Variants in SDK1 observed in about 807,000 individuals in gnomAD.
SDK1 encodes the protein protein sidekick-1.
SDK1 carries 157 observed loss-of-function variants against 245.5 expected under a neutral mutation model. The ratio of observed to expected loss-of-function variants is 0.64; its 90% CI spans 0.56 to 0.73. The LOEUF (loss-of-function observed/expected upper bound fraction) is 0.73. Ranked by LOEUF, SDK1 falls within the 30% of genes least tolerant of loss-of-function variation. The pLI is 0.00. For missense variants in SDK1, 3,583 were observed against 3,002.3 expected, an observed-to-expected ratio of 1.19 and a Z score of -4.52; for synonymous variants, 1,647 against 1,278.5, an observed-to-expected ratio of 1.29 and a Z score of -6.15.
chr7:4,252,272 T>C (rs1362184824), intron 44 of SDK1, among the ~76,000 whole-genome samples: 1 of 150,514 alleles, frequency 6.6e-6, no homozygotes, highest in Non-Finnish European at 1.5e-5. Context: ...GTGTGCTCAT[T>C]GTTCAATTCC....
chr7:3,420,379 T>G lies in SDK1; in HGVS notation c.298+118495T>G, dbSNP rs80072908. Reference sequence around the variant, plus strand: ...TACAACTCAGATCGTTTCAACAACTTTCTGTTCTTGGATTTTTCCTTTCTC... The same window carrying G: ...TACAACTCAGATCGTTTCAACAACTGTCTGTTCTTGGATTTTTCCTTTCTC... On this transcript the variant is annotated intron_variant, in intron 1 of 44. Transcript: ENST00000404826. Among the ~76,000 whole-genome samples, 658 of 152,334 alleles carry G rather than the reference T, an allele frequency of 4.3e-3. 8 individuals carry two copies. The highest frequency in any genetic ancestry group is 0.015 in the African/African-American group (611 of 41,578).
chr7:3,867,662 T>A (rs1780853473), intron 5 of SDK1, among the ~76,000 whole-genome samples: 1 of 152,152 alleles, frequency 6.6e-6, no homozygotes, highest in Non-Finnish European at 1.5e-5. Flanking sequence ...ATGATTCGGT[T>A]ACCTCCCACC....
chr7:3,949,547 A>C (rs931500656), intron 5 of SDK1, among the ~76,000 whole-genome samples: 2 of 152,204 alleles, frequency 1.3e-5, no homozygotes, highest in Non-Finnish European at 2.9e-5. Context: ...TGAAGCCCAG[A>C]TGAAGCGTTT....
chr7:3,984,191 G>A (rs995954947), intron 13 of SDK1, among the ~76,000 whole-genome samples: 2 of 152,150 alleles, frequency 1.3e-5, no homozygotes, highest in Admixed American at 6.5e-5. Context: ...CTAGCTGAGA[G>A]GGGGCAGAGG....
chr7:3,804,813 TCAG>T (rs1779199257), intron 4 of SDK1, among the ~76,000 whole-genome samples: 1 of 152,244 alleles, frequency 6.6e-6, no homozygotes, highest in Admixed American at 6.5e-5. Flanking sequence ...TGAGTGATTG[TCAG>T]TGGCGTTATA....
In SDK1 at chr7:4,063,597, C is replaced by CAAAA. The variant is rs35423286; in HGVS notation, c.2912-4232_2912-4229dup. Reference sequence around the variant, plus strand: ...ACCAGTGTCATTTTCACAGAAATAGCAAAAAAAAAAAACAAAAAACCCCGT... The same window carrying CAAAA: ...ACCAGTGTCATTTTCACAGAAATAGCAAAAAAAAAAAAAAAACAAAAAACCCCGT... On this transcript the variant is annotated intron_variant, in intron 19 of 44. Coordinates refer to ENST00000404826, the MANE Select transcript of SDK1 (RefSeq NM_152744.4). 3.9e-4 allele frequency among the ~76,000 whole-genome samples: 49 copies of CAAAA among 125,154 alleles called. 1 individual carries two copies. Among genetic ancestry groups the CAAAA allele is most frequent in the African/African-American group, 1.4e-3 (48 of 34,344 alleles). 82.1% of individuals were successfully genotyped at this position (125,154 alleles called of 152,430 possible).
chr7:4,177,061 G>A (rs920299317), intron 34 of SDK1, among the ~76,000 whole-genome samples: 2 of 152,238 alleles, frequency 1.3e-5, no homozygotes, highest in African/African-American at 2.4e-5. Context: ...CCGAGCCTAT[G>A]TTGTGTTCAG....
intron 38 of SDK1, among the ~76,000 whole-genome samples, chr7:4,216,567 C>T (rs1425909731): frequency 6.6e-6 from 1 of 152,200 alleles, no homozygotes; most frequent in Admixed American, 6.5e-5. Context: ...TGTGCGTGTC[C>T]CAGGGAAACA....
At chr7:3,468,333 A>G (rs1271231225) in intron 1 of SDK1, among the ~76,000 whole-genome samples, 2 of 152,176 alleles carry the variant, frequency 1.3e-5, no homozygotes, top group Non-Finnish European at 2.9e-5. Flanking sequence ...AAATATCCCA[A>G]AATGAAGGCC....
intron 4 of SDK1, among the ~76,000 whole-genome samples, chr7:3,788,610 A>G (rs1173835960): frequency 6.6e-6 from 1 of 152,124 alleles, no homozygotes; most frequent in African/African-American, 2.4e-5. Context: ...CGTTGGAAAA[A>G]GAATTGTCTT....
At chr7:3,545,220 A>C (rs187255022) in intron 1 of SDK1, among the ~76,000 whole-genome samples, 3 of 152,298 alleles carry the variant, frequency 2.0e-5, no homozygotes, top group African/African-American at 7.2e-5. Flanking sequence ...AGAAAGAACT[A>C]TGAGGAATGG....
chr7:4,098,497 C>T (rs549096506), intron 22 of SDK1, among the ~76,000 whole-genome samples: 1 of 152,224 alleles, frequency 6.6e-6, no homozygotes, highest in East Asian at 1.9e-4. Context: ...TTCGCCCATT[C>T]ACCCAGCAGA....
chr7:3,420,051 G>C (rs1051446960), intron 1 of SDK1, among the ~76,000 whole-genome samples: 9 of 152,176 alleles, frequency 5.9e-5, no homozygotes, highest in Admixed American at 5.2e-4. Flanking sequence ...TCTGGCACTT[G>C]AATCTCCTTG....
chr7:3,364,665 C>A (rs1026040029), intron 1 of SDK1, among the ~76,000 whole-genome samples: 1 of 152,136 alleles, frequency 6.6e-6, no homozygotes, highest in Admixed American at 6.5e-5. Context: ...AATATATTGT[C>A]TTGATTACTA....
intron 4 of SDK1, among the ~76,000 whole-genome samples, chr7:3,741,218 G>A (rs1375766939): frequency 6.6e-6 from 1 of 152,170 alleles, no homozygotes; most frequent in Non-Finnish European, 1.5e-5. Flanking sequence ...CTCTAACCAT[G>A]GGACTGGCCA....
chr7:3,473,422 C>G, intron 1 of SDK1, among the ~76,000 whole-genome samples: 1 of 152,078 alleles, frequency 6.6e-6, no homozygotes, highest in East Asian at 1.9e-4. Flanking sequence ...TTCAATAATC[C>G]TTGTAGATGT....
intron 1 of SDK1, among the ~76,000 whole-genome samples, chr7:3,529,678 A>G (rs547974005): frequency 1.3e-5 from 2 of 152,260 alleles, no homozygotes; most frequent in African/African-American, 4.8e-5. Context: ...ATTAATAGAC[A>G]CTAACGTTGG....
intron 1 of SDK1, among the ~76,000 whole-genome samples, chr7:3,481,706 G>C (rs754607492): frequency 2.0e-5 from 3 of 152,206 alleles, no homozygotes; most frequent in Non-Finnish European, 2.9e-5. Flanking sequence ...TGTCCTCTCA[G>C]CATCTAGTTT....
At chr7:3,648,454 A>G (rs1004038285) in intron 4 of SDK1, among the ~76,000 whole-genome samples, 24 of 152,352 alleles carry the variant, frequency 1.6e-4, no homozygotes, top group African/African-American at 5.0e-4. Context: ...CAGCTTTGCA[A>G]TAGACAACTT....
Sources: gnomAD v4.1 joint callset for allele counts (sites outside exome capture counted in the v4.1 genomes callset) on GRCh38, gnomAD v4.1.1 for gene constraint, MANE v1.5 for transcripts, NCBI Gene and HGNC (gene_info 2026-07-23, HGNC 2026-07-21) for gene names.